Variants in DLC1 observed in about 807,000 individuals in gnomAD.
DLC1 encodes DLC1 Rho GTPase activating protein.
DLC1 carries 54 observed loss-of-function variants against 140.3 expected under a neutral mutation model. That is an observed-to-expected ratio of 0.38 (90% CI 0.31 to 0.48). DLC1 has a LOEUF of 0.48. Ranked by LOEUF, DLC1 falls within the 20% of genes least tolerant of loss-of-function variation. DLC1 has a pLI of 0.96. For synonymous variants in DLC1, 986 were observed against 728.1 expected (o/e 1.35, Z -5.70); for missense variants, 2,536 against 1,907.0 (o/e 1.33, Z -6.14).
intron 3 of DLC1, among the ~76,000 whole-genome samples, chr8:13,395,087 CT>C (rs1836972080): frequency 6.6e-6 from 1 of 150,830 alleles, no homozygotes; most frequent in African/African-American, 2.4e-5. Context: ...ATTTGTCTAC[CT>C]TCCTATCCAT....
In DLC1 at chr8:13,226,410, T is replaced by A. The variant is rs1341940965; in HGVS notation, c.1348+78859A>T. 3.3e-5 allele frequency among the ~76,000 whole-genome samples: 5 copies of A among 152,342 alleles called. No homozygotes were observed. The South Asian group carries it at 6.2e-4, about 19-fold the overall frequency. ...ATAACCACATAGCATTTTACAGAGATCTATCCTATTGCTTCATTTAACATT... is the reference window on the plus strand; with the variant it reads ...ATAACCACATAGCATTTTACAGAGAACTATCCTATTGCTTCATTTAACATT... On this transcript the variant is annotated intron_variant, in intron 5 of 17. Coordinates refer to ENST00000276297, the MANE Select transcript of DLC1 (RefSeq NM_182643.3).
chr8:13,123,561 T>C (rs1821299694), intron 5 of DLC1, among the ~76,000 whole-genome samples: 1 of 151,580 alleles, frequency 6.6e-6, no homozygotes, highest in African/African-American at 2.4e-5. Flanking sequence ...GTGGTCAGGC[T>C]GGTTTCGAAT....
At chr8:13,538,829 T>A (rs1803386855) in intron 1 of DLC1, among the ~76,000 whole-genome samples, 1 of 152,200 alleles carries the variant, frequency 6.6e-6, no homozygotes, top group Middle Eastern at 3.2e-3. Flanking sequence ...AGCAAAATAT[T>A]GCTTGAAGAA....
intron 6 of DLC1, among the ~76,000 whole-genome samples, chr8:13,114,039 A>C (rs1820331749): frequency 6.6e-6 from 1 of 152,238 alleles, no homozygotes; most frequent in South Asian, 2.1e-4. Flanking sequence ...AATTGACTTC[A>C]TATAGAGTAT....
chr8:13,131,205 T>G (rs7824944), intron 5 of DLC1, among the ~76,000 whole-genome samples: 2 of 151,932 alleles, frequency 1.3e-5, no homozygotes, highest in Non-Finnish European at 2.9e-5. Context: ...TGCAAATTAT[T>G]TCCACCGAGG....
chr8:13,558,652 A>AT (rs1229864468), intron 1 of DLC1: 1 of 152,210 alleles, frequency 6.6e-6, no homozygotes, highest in East Asian at 1.9e-4. Context: ...CTAATTACAT[A>AT]ATACCTTATG....
At chr8:13,269,559 C>A (rs1437091829) in intron 5 of DLC1, among the ~76,000 whole-genome samples, 10 of 151,622 alleles carry the variant, frequency 6.6e-5, no homozygotes, top group South Asian at 2.1e-4. Flanking sequence ...CTACAAAAAT[C>A]AAAAAATTAG....
At position 13,095,193 on chromosome 8, in the gene DLC1, T is replaced by A; in HGVS notation, c.3220A>T (p.Ser1074Cys). 6.2e-7 allele frequency: 1 copy of A among 1,614,218 alleles called. No homozygotes were observed. Among genetic ancestry groups the A allele is most frequent in the Non-Finnish European group, 8.5e-7 (1 of 1,180,048 alleles). Residue 1074 changes from serine to cysteine, a missense_variant, in exon 11 of 18, where the codon AGT (serine) becomes TGT (cysteine). Transcript: ENST00000276297. Reference sequence around the variant, plus strand: ...ACCGTCAGTGGGACCCCAAACACACTCCGGTCCTTGTAGTCTGGAACCTTG... The same window carrying A: ...ACCGTCAGTGGGACCCCAAACACACACCGGTCCTTGTAGTCTGGAACCTTG... ...RIKVPDYKDR[S>C]VFGVPLTVNV...
intron 4 of DLC1, among the ~76,000 whole-genome samples, chr8:13,381,534 G>A (rs750143157): frequency 5.9e-5 from 9 of 152,170 alleles, no homozygotes; most frequent in South Asian, 2.1e-4. Context: ...CATAAAAGGC[G>A]TGGCAGTCTC....
At chr8:13,288,493 T>G (rs993210023) in intron 5 of DLC1, among the ~76,000 whole-genome samples, 3 of 152,248 alleles carry the variant, frequency 2.0e-5, no homozygotes, top group African/African-American at 7.2e-5. Flanking sequence ...CTTCTAATTT[T>G]GCCAACAGTA....
rs915460193 is a variant in DLC1 at position 13,514,762 on chromosome 8, A to G, written c.-286T>C. ...GTTTCACGCAGTGTGTGAGTCTAAC[A>G]AAAACACCCTCTGCAGCTGGAGGGA... On this transcript the variant is annotated 5_prime_UTR_variant, in exon 1 of 18. Coordinates refer to ENST00000276297, the MANE Select transcript of DLC1 (RefSeq NM_182643.3). 18 of 397,302 alleles carry G rather than the reference A, an allele frequency of 4.5e-5. No homozygotes were observed. Among genetic ancestry groups the G allele is most frequent in the Middle Eastern group, 6.2e-4 (1 of 1,604 alleles). 24.6% of individuals were successfully genotyped at this position (397,302 alleles called of 1,614,324 possible).
At chr8:13,468,634 C>A (rs747352433) in intron 2 of DLC1, among the ~76,000 whole-genome samples, 2 of 151,784 alleles carry the variant, frequency 1.3e-5, no homozygotes, top group African/African-American at 4.8e-5. Flanking sequence ...CTCAGCCTCC[C>A]GAAGTGCTAG....
intron 4 of DLC1, among the ~76,000 whole-genome samples, chr8:13,364,836 T>G (rs1243512448): frequency 6.6e-6 from 1 of 152,224 alleles, no homozygotes; most frequent in African/African-American, 2.4e-5. Flanking sequence ...TATTTCTAAC[T>G]CATTTACCCA....
intron 1 of DLC1, among the ~76,000 whole-genome samples, chr8:13,527,837 C>A (rs1462809670): frequency 6.6e-6 from 1 of 152,110 alleles, no homozygotes; most frequent in African/African-American, 2.4e-5. Flanking sequence ...GAATCCTTAG[C>A]TTTAATGGAT....
In DLC1 at chr8:13,100,263, A is replaced by G. The variant is rs768363611; in HGVS notation, c.2074T>C (p.Leu692=). ...TGCAAGATGGGCCCGCTGATGATCA[A>G]CCCCAGCTTTGAGGGCGCTTTGTGC... The part of the protein sequence containing the change: ...SKHKAPSKLG[L]IISGPILQEG... Residue 692 remains leucine, a synonymous_variant, in exon 9 of 18, where the codon TTG becomes CTG. Transcript: ENST00000276297. 6.2e-6 allele frequency: 10 copies of G among 1,613,958 alleles called. No individual in the cohort carries two copies. The highest frequency in any genetic ancestry group is 4.5e-5 in the East Asian group (2 of 44,882).
chr8:13,464,891 T>G (rs1185459264), intron 2 of DLC1, among the ~76,000 whole-genome samples: 2 of 151,628 alleles, frequency 1.3e-5, no homozygotes, highest in African/African-American at 4.8e-5. Context: ...TTACCACCAC[T>G]ACTACTACTA....
chr8:13,313,425 C>A (rs546096116), intron 4 of DLC1, among the ~76,000 whole-genome samples: 8 of 152,268 alleles, frequency 5.3e-5, no homozygotes, highest in African/African-American at 1.7e-4. Context: ...TTTCTTACTG[C>A]CACTAATTGG....
intron 5 of DLC1, among the ~76,000 whole-genome samples, chr8:13,131,323 C>G (rs1229351836): frequency 6.6e-6 from 1 of 152,108 alleles, no homozygotes; most frequent in Non-Finnish European, 1.5e-5. Context: ...TCCCTCATCC[C>G]TTCAGCAAAC....
In DLC1 at chr8:13,092,806, G is replaced by A. The variant is rs568182; in HGVS notation, c.3546C>T (p.Arg1182=). The change falls in exon 13 of 18, where the codon CGC becomes CGT. Residue 1182 remains arginine (R), a synonymous_variant. Coordinates refer to ENST00000276297, the MANE Select transcript of DLC1 (RefSeq NM_182643.3). ...QIYQYVPKDQ[R]LQAIKAAIML... Reference sequence around the variant, plus strand: ...TGATGGCAGCCTTGATGGCCTGCAGGCGCTGGTCCTTGGGCACATCTGCAC... The same window carrying A: ...TGATGGCAGCCTTGATGGCCTGCAGACGCTGGTCCTTGGGCACATCTGCAC... The A allele has an allele frequency of 1.2e-6, 2 of 1,613,372 alleles. No individual in the cohort carries two copies. The highest frequency in any genetic ancestry group is 2.7e-5 in the African/African-American group (2 of 74,808).
Sources: gnomAD v4.1 joint callset for allele counts (sites outside exome capture counted in the v4.1 genomes callset) on GRCh38, gnomAD v4.1.1 for gene constraint, MANE v1.5 for transcripts, NCBI Gene and HGNC (gene_info 2026-07-23, HGNC 2026-07-21) for gene names.